SPICE1: variants seen among roughly 807,000 people sequenced by gnomAD.
SPICE1 encodes spindle and centriole associated protein 1, also known as spindle and centriole-associated protein 1.
In SPICE1, 75 loss-of-function variants were observed where a neutral mutation model predicts 102.7. The ratio of observed to expected loss-of-function variants is 0.73; its 90% CI spans 0.61 to 0.88. The LOEUF (loss-of-function observed/expected upper bound fraction) is 0.88. Ranked by LOEUF, SPICE1 falls within the 40% of genes least tolerant of loss-of-function variation. The pLI, the probability that SPICE1 is intolerant of heterozygous loss-of-function variation, is 0.00. For missense variants in SPICE1, 979 were observed against 1,020.1 expected (o/e 0.96, Z 0.55); for synonymous variants, 308 against 350.3 (o/e 0.88, Z 1.35).
chr3:113,468,920 A>C, intron 8 of SPICE1, 21 bp from the exon 9 acceptor site: 2 of 1,597,518 alleles, frequency 1.3e-6, no homozygotes, highest in African/African-American at 2.7e-5. Context: ...GAACATTTCC[A>C]AAAGTATCTC....
chr3:113,461,361 T>C (rs1246701272), intron 11 of SPICE1, among the ~76,000 whole-genome samples: 3 of 151,886 alleles, frequency 2.0e-5, no homozygotes, highest in East Asian at 3.9e-4. Context: ...ATAAGGTTTT[T>C]TTTTTTCTAT....
chr3:113,478,760 T>C (rs80009390), intron 7 of SPICE1, among the ~76,000 whole-genome samples: 6,527 of 152,162 alleles, frequency 0.043, 169 homozygotes, highest in East Asian at 0.1. Flanking sequence ...TATGGATATA[T>C]CTTTAGAACT....
intron 6 of SPICE1, among the ~76,000 whole-genome samples, chr3:113,492,243 T>A (rs149325023): frequency 6.6e-6 from 1 of 152,330 alleles, no homozygotes. Flanking sequence ...TTTGGAAGTA[T>A]GAAACAATAT....
At chr3:113,498,866 A>G (rs1001851561) in intron 4 of SPICE1, 2 of 152,268 alleles carry the variant, frequency 1.3e-5, no homozygotes, top group African/African-American at 4.8e-5. Context: ...TACATATCTG[A>G]TTACTTATCT....
intron 10 of SPICE1, among the ~76,000 whole-genome samples, chr3:113,466,604 G>A (rs1377064266): frequency 1.4e-5 from 2 of 143,462 alleles, no homozygotes; most frequent in African/African-American, 5.3e-5. Context: ...GCGAGACTCT[G>A]TCTCAAAAAA....
chr3:113,513,180 G>A (rs1365719715), intron 1 of SPICE1, among the ~76,000 whole-genome samples: 5 of 152,150 alleles, frequency 3.3e-5, no homozygotes, highest in Admixed American at 2.6e-4. Context: ...GCTGAGGCTG[G>A]AGGATCGCTT....
intron 13 of SPICE1, among the ~76,000 whole-genome samples, chr3:113,456,712 GA>G (rs1935787221): frequency 6.6e-6 from 1 of 152,164 alleles, no homozygotes; most frequent in Non-Finnish European, 1.5e-5. Context: ...AGAAAGAGGT[GA>G]ATATAATGAC....
intron 7 of SPICE1, among the ~76,000 whole-genome samples, chr3:113,475,845 A>G (rs1210979802): frequency 6.6e-6 from 1 of 151,906 alleles, no homozygotes; most frequent in Non-Finnish European, 1.5e-5. Flanking sequence ...ATGGGCAAAA[A>G]CTGGAAGCAT....
rs923992729 is a variant in SPICE1 at position 113,444,795 on chromosome 3, T to C, written c.*512A>G. The C allele has an allele frequency of 6.6e-6, 1 of 152,410 alleles. No homozygotes were observed. The highest frequency in any genetic ancestry group is 1.5e-5 in the Non-Finnish European group (1 of 68,220). The allele number at this position is 152,410 out of a possible 1,614,324, so 9.4% of individuals were successfully genotyped here. A position where few individuals can be genotyped will look rare whatever the true frequency, so the allele number is the denominator to read the frequency against. On this transcript the variant is annotated 3_prime_UTR_variant, in exon 18 of 18. Coordinates refer to ENST00000295872, the MANE Select transcript of SPICE1 (RefSeq NM_144718.4). The stretch of plus-strand genomic sequence containing the variant: ...CAGGCCTATTGTTTTTAAGGCTGTA[T>C]ATTTCACTTGATGGAAAAAGTGATG...
chr3:113,514,959 G>T lies in SPICE1; in HGVS notation c.-63C>A. The T allele has an allele frequency of 4.6e-6, 4 of 869,574 alleles. No individual in the cohort carries two copies. Among genetic ancestry groups the T allele is most frequent in the Non-Finnish European group, 6.1e-6 (4 of 658,716 alleles). The allele number at this position is 869,574 out of a possible 1,614,324, so 53.9% of individuals were successfully genotyped here. A position where few individuals can be genotyped will look rare whatever the true frequency, so the allele number is the denominator to read the frequency against. On this transcript the variant is annotated 5_prime_UTR_variant, in exon 1 of 18. Transcript: ENST00000295872. ...TGAAGTAAGGATTCCCCAACCGGGC[G>T]CCTGGATCCCAGGCAACAGACAGAT...
Position 113,506,578 on chromosome 3 carries a change from C to A in SPICE1, c.28G>T (p.Gly10Cys), listed in dbSNP as rs751178297. 4.3e-6 allele frequency: 7 copies of A among 1,612,910 alleles called. No homozygotes were observed. The African/African-American group carries it at 9.4e-5, about 22-fold the overall frequency. ...GTCTTTCTTACACCAACTCGGGGAC[C>A]ACAGCGGTTCACTCTGACAAATGAC... MSFVRVNRCGPRVGVRKTPK... is the reference protein window; with the variant it reads MSFVRVNRCCPRVGVRKTPK... Residue 10 changes from glycine (G) to cysteine (C), a missense_variant, in exon 2 of 18, where the codon GGT becomes TGT. Gly to Cys is a radical substitution (Grantham distance 159, BLOSUM62 -3). Transcript: ENST00000295872.
intron 4 of SPICE1, among the ~76,000 whole-genome samples, chr3:113,494,615 C>T (rs890510188): frequency 1.3e-5 from 2 of 150,758 alleles, no homozygotes; most frequent in African/African-American, 4.9e-5. Flanking sequence ...CCACTGCACT[C>T]CAGCCTGGGC....
intron 13 of SPICE1, among the ~76,000 whole-genome samples, chr3:113,455,581 C>A (rs1395801029): frequency 1.3e-5 from 2 of 152,178 alleles, no homozygotes; most frequent in African/African-American, 4.8e-5. Context: ...TTCTATTAGA[C>A]AAAGCTATCC....
chr3:113,506,494 C>A lies in SPICE1; in HGVS notation c.99+13G>T. On this transcript the variant is annotated intron_variant, in intron 2 of 17. Coordinates refer to ENST00000295872, the MANE Select transcript of SPICE1 (RefSeq NM_144718.4). ...AGTAATGTTACATTATTTACTATCC[C>A]ACCTATACTCACATCCCATTCTTGT... The A allele has an allele frequency of 6.3e-7, 1 of 1,591,008 alleles. No homozygotes were observed. The highest frequency in any genetic ancestry group is 8.6e-7 in the Non-Finnish European group (1 of 1,160,164).
intron 11 of SPICE1, among the ~76,000 whole-genome samples, chr3:113,461,797 A>T (rs1935939810): frequency 6.6e-6 from 1 of 152,230 alleles, no homozygotes; most frequent in Non-Finnish European, 1.5e-5. Flanking sequence ...ATTTGATAAA[A>T]GTCAGGTGCA....
At chr3:113,504,022 A>T (rs189674480) in intron 2 of SPICE1, among the ~76,000 whole-genome samples, 75 of 152,226 alleles carry the variant, frequency 4.9e-4, no homozygotes, top group African/African-American at 1.8e-3. Context: ...TGCTACTACA[A>T]TGGAAGATGA....
In SPICE1 at chr3:113,503,194, T is replaced by G; in HGVS notation, c.133A>C (p.Thr45Pro). 3 of 1,604,026 alleles carry G rather than the reference T, an allele frequency of 1.9e-6. No individual in the cohort carries two copies. Among genetic ancestry groups the G allele is most frequent in the Non-Finnish European group, 2.5e-6 (3 of 1,176,680 alleles). Residue 45 changes from threonine (T) to proline (P), a missense_variant, in exon 3 of 18, where the codon ACT becomes CCT. By Grantham distance (38) the Thr-to-Pro change is conservative. Transcript: ENST00000295872. Reference protein sequence around the residue: ...TVTDLTVHRATPEDLVRRHEI... With the variant: ...TVTDLTVHRAPPEDLVRRHEI... ...ATTAAACTCACCAGATCTTCGGGAG[T>G]TGCCCGATGAACGGTTAGATCAGTC...
At chr3:113,445,394 G>C in intron 17 of SPICE1, 34 bp from the exon 18 acceptor site, 1 of 1,584,760 alleles carries the variant, frequency 6.3e-7, no homozygotes, top group South Asian at 1.1e-5. Flanking sequence ...AATTTAGATG[G>C]TAATTAGAAA....
At chr3:113,470,623 T>C (rs1161046718) in intron 7 of SPICE1, among the ~76,000 whole-genome samples, 2 of 152,174 alleles carry the variant, frequency 1.3e-5, no homozygotes, top group Admixed American at 1.3e-4. Context: ...CATTCTACTC[T>C]CTATCTTCCT....
Sources: allele counts gnomAD v4.1 joint callset (sites outside exome capture counted in the v4.1 genomes callset), GRCh38; gene constraint gnomAD v4.1.1; transcripts MANE v1.5; gene names NCBI Gene and HGNC (gene_info 2026-07-23, HGNC 2026-07-21).